CYLC2: variants seen among roughly 807,000 people sequenced by gnomAD.
CYLC2 encodes cylicin 2, also known as cylicin-2.
A neutral mutation model predicts 26.1 loss-of-function variants in CYLC2; 30 were observed. The ratio of observed to expected loss-of-function variants is 1.15; its 90% CI spans 0.86 to 1.56. CYLC2 has a LOEUF of 1.56. CYLC2 is among the 40% of genes most tolerant of loss of function. The pLI is 0.00. For synonymous variants in CYLC2, 158 were observed against 132.8 expected (o/e 1.19, Z -1.31); for missense variants, 498 against 394.4 (o/e 1.26, Z -2.23).
intron 5 of CYLC2, chr9:103,010,573 T>C (rs1162990409): frequency 6.6e-6 from 1 of 152,082 alleles, no homozygotes; most frequent in Non-Finnish European, 1.5e-5. Flanking sequence ...TGTAGTGTAA[T>C]TGTTTGTGGA....
At chr9:103,017,923 C>T (rs1047987868) in intron 7 of CYLC2, among the ~76,000 whole-genome samples, 4 of 151,192 alleles carry the variant, frequency 2.6e-5, no homozygotes, top group Non-Finnish European at 4.4e-5. Context: ...TTGTAAGACC[C>T]GTCATATTGC....
chr9:103,003,310 T>C, intron 3 of CYLC2, 47 bp downstream of exon 3: 1 of 1,480,860 alleles, frequency 6.8e-7, no homozygotes, highest in East Asian at 2.4e-5. Context: ...AGTAATAACT[T>C]AGTAATAATT....
rs10990439 is a variant in CYLC2, at chr9:103,017,237, A to G, written c.*890+276A>G. Among the ~76,000 whole-genome samples the G allele has an allele frequency of 0.011, 1,656 of 152,076 alleles. 102 individuals are homozygous for G. The East Asian group carries it at 0.2, about 18-fold the overall frequency. On this transcript the variant is annotated intron_variant, in intron 7 of 7. Coordinates refer to ENST00000374798, the MANE Select transcript of CYLC2 (RefSeq NM_001340.5). Reference sequence around the variant, plus strand: ...CATTTGAGAAGAAAGCTTAAAAATGAAAATTATTAGAATATGTCCTAGTAA... The same window carrying G: ...CATTTGAGAAGAAAGCTTAAAAATGGAAATTATTAGAATATGTCCTAGTAA...
At position 103,006,067 on chromosome 9, in the gene CYLC2, CACACAG is replaced by C. The variant is rs760174956; in HGVS notation, c.*390_*395del. 106 of 139,380 alleles carry C rather than the reference CACACAG, an allele frequency of 7.6e-4. No individual in the cohort carries two copies. Among genetic ancestry groups the C allele is most frequent in the Admixed American group, 2.1e-3 (27 of 13,086 alleles). 8.6% of individuals were successfully genotyped at this position (139,380 alleles called of 1,614,324 possible). On this transcript the variant is annotated 3_prime_UTR_variant, in exon 5 of 8. Transcript: ENST00000374798. ...ACACACACACACACACACACACACA[CACACAG>C]TTTAATGAAGGCTTAAAGAATCCAA... is the stretch of plus-strand genomic sequence containing the variant.
intron 3 of CYLC2, among the ~76,000 whole-genome samples, chr9:103,003,976 T>A (rs967464907): frequency 1.3e-5 from 2 of 152,164 alleles, no homozygotes; most frequent in African/African-American, 4.8e-5. Flanking sequence ...TGTTTATTTT[T>A]AAAAATGTAA....
intron 6 of CYLC2, among the ~76,000 whole-genome samples, 170 bp downstream of exon 6, chr9:103,012,267 A>T (rs1395021814): frequency 1.3e-5 from 2 of 151,958 alleles, no homozygotes; most frequent in Non-Finnish European, 2.9e-5. Context: ...TGCCTTTAAT[A>T]CAGACAAATA....
intron 5 of CYLC2, among the ~76,000 whole-genome samples, chr9:103,008,499 T>G (rs1587853435): frequency 6.6e-6 from 1 of 152,088 alleles, no homozygotes; most frequent in African/African-American, 2.4e-5. Context: ...CTTAAGCACC[T>G]AGTTGACTAG....
intron 6 of CYLC2, among the ~76,000 whole-genome samples, chr9:103,015,250 T>G (rs1283053847): frequency 2.4e-5 from 3 of 124,422 alleles, no homozygotes; most frequent in African/African-American, 8.9e-5. Flanking sequence ...ATCTGATATA[T>G]AATATATATT....
At chr9:103,016,068 C>T (rs1249470325) in intron 6 of CYLC2, among the ~76,000 whole-genome samples, 1 of 151,272 alleles carries the variant, frequency 6.6e-6, no homozygotes, top group Non-Finnish European at 1.5e-5. Flanking sequence ...ATTATATATA[C>T]AGATTTAGAT....
At chr9:103,014,642 T>C (rs1182913696) in intron 6 of CYLC2, among the ~76,000 whole-genome samples, 2 of 143,034 alleles carry the variant, frequency 1.4e-5, no homozygotes, top group East Asian at 4.3e-4. Context: ...ACATCATATG[T>C]ATATTATGCA....
At chr9:103,008,549 T>G (rs1375512353) in intron 5 of CYLC2, among the ~76,000 whole-genome samples, 1 of 152,052 alleles carries the variant, frequency 6.6e-6, no homozygotes, top group Non-Finnish European at 1.5e-5. Flanking sequence ...CAAAGAGAAC[T>G]GTTGACATCC....
intron 5 of CYLC2, among the ~76,000 whole-genome samples, chr9:103,011,572 A>T (rs185859771): frequency 3.3e-5 from 5 of 152,146 alleles, no homozygotes; most frequent in Admixed American, 1.3e-4. Context: ...AAAATGGGGG[A>T]GGGAGTGATG....
intron 2 of CYLC2, among the ~76,000 whole-genome samples, chr9:103,002,364 T>TCCC (rs1564096852): frequency 1.9e-4 from 25 of 130,500 alleles, no homozygotes; most frequent in Admixed American, 1.0e-3. Context: ...CCCCTTTTTT[T>TCCC]TTTTTTTTTT....
At chr9:103,010,547 G>A (rs1433253479) in intron 5 of CYLC2, among the ~76,000 whole-genome samples, 1 of 152,152 alleles carries the variant, frequency 6.6e-6, no homozygotes, top group East Asian at 1.9e-4. Context: ...TGACACCAAC[G>A]TTTAGACTGT....
At chr9:103,012,720 C>A (rs1410962493) in intron 6 of CYLC2, among the ~76,000 whole-genome samples, 1 of 151,730 alleles carries the variant, frequency 6.6e-6, no homozygotes, top group East Asian at 1.9e-4. Flanking sequence ...GAAACGTACT[C>A]CAGGTGTTAA....
chr9:103,011,162 G>A (rs1437946243), intron 5 of CYLC2, among the ~76,000 whole-genome samples: 3 of 151,930 alleles, frequency 2.0e-5, no homozygotes, highest in South Asian at 2.1e-4. Context: ...ATGCATATAC[G>A]CACATACAAA....
At chr9:102,997,113 T>C (rs1478199809) in intron 1 of CYLC2, among the ~76,000 whole-genome samples, 3 of 151,940 alleles carry the variant, frequency 2.0e-5, no homozygotes, top group African/African-American at 7.2e-5. Flanking sequence ...GGTCTAGGGA[T>C]TCACCTTGAT....
At chr9:103,014,121 T>C (rs1321097114) in intron 6 of CYLC2, among the ~76,000 whole-genome samples, 2 of 121,036 alleles carry the variant, frequency 1.7e-5, no homozygotes, top group African/African-American at 6.6e-5. Flanking sequence ...ATATATTTTA[T>C]ATTATATTAT....
chr9:103,006,638 T>C (rs1829354731), intron 5 of CYLC2, among the ~76,000 whole-genome samples: 1 of 151,920 alleles, frequency 6.6e-6, no homozygotes, highest in African/African-American at 2.4e-5. Context: ...ATGGTCTCAA[T>C]CTCCTGACCT....
Sources: allele counts gnomAD v4.1 joint callset (sites outside exome capture counted in the v4.1 genomes callset), GRCh38; gene constraint gnomAD v4.1.1; transcripts MANE v1.5; gene names NCBI Gene and HGNC (gene_info 2026-07-23, HGNC 2026-07-21).